TTC7A: variants seen among roughly 807,000 people sequenced by gnomAD.
TTC7A encodes the protein tetratricopeptide repeat domain 7A.
TTC7A carries 110 observed loss-of-function variants against 103.7 expected under a neutral mutation model. That is an observed-to-expected ratio of 1.06 (90% CI 0.91 to 1.24). The LOEUF (loss-of-function observed/expected upper bound fraction) is 1.24. Ranked by LOEUF, TTC7A falls within the 50% of genes most tolerant of loss-of-function variation. The pLI, the probability that TTC7A is intolerant of heterozygous loss-of-function variation, is 0.00. For synonymous variants in TTC7A, 521 were observed against 467.9 expected (o/e 1.11, Z -1.47); for missense variants, 1,340 against 1,116.3 (o/e 1.20, Z -2.86).
At chr2:46,924,439 A>C (rs958386129) in intron 2 of TTC7A, among the ~76,000 whole-genome samples, 1 of 152,116 alleles carries the variant, frequency 6.6e-6, no homozygotes, top group Non-Finnish European at 1.5e-5. Context: ...CATTTATGGA[A>C]TATAATCATA....
chr2:46,930,763 G>A (rs1208450036), intron 2 of TTC7A, among the ~76,000 whole-genome samples: 1 of 152,066 alleles, frequency 6.6e-6, no homozygotes, highest in Non-Finnish European at 1.5e-5. Context: ...GCCTCCCAAA[G>A]TGCAGGGATT....
At chr2:47,032,980 C>T (rs1680729360) in intron 15 of TTC7A, among the ~76,000 whole-genome samples, 1 of 151,476 alleles carries the variant, frequency 6.6e-6, no homozygotes, top group South Asian at 2.1e-4. Flanking sequence ...TGGTGAGTGA[C>T]CATAGGGTAT....
Position 47,013,488 on chromosome 2 carries a change from A to G in TTC7A, c.1392+2053A>G, listed in dbSNP as rs370140738. 6.0e-4 allele frequency among the ~76,000 whole-genome samples: 91 copies of G among 152,242 alleles called. 1 individual carries two copies. In the South Asian group the frequency reaches 0.018, roughly 30 times the overall value. ...GAGGGGCCTCAAGCTCATCTCTGAG[A>G]TGAAACCCAAAATACCCATCTCTGA... On this transcript the variant is annotated intron_variant, in intron 11 of 19. Transcript: ENST00000319190.
At chr2:46,949,080 A>G (rs776959479) in intron 1 of TTC7A, among the ~76,000 whole-genome samples, 32 of 152,122 alleles carry the variant, frequency 2.1e-4, no homozygotes, top group Admixed American at 1.2e-3. Context: ...CCACCCAAGA[A>G]CCATGGTGAA....
chr2:46,980,952 G>A (rs781518334), intron 5 of TTC7A, among the ~76,000 whole-genome samples: 6 of 152,190 alleles, frequency 3.9e-5, no homozygotes, highest in Non-Finnish European at 8.8e-5. Flanking sequence ...CTAGGTATGC[G>A]GAAGGCATGC....
At chr2:46,974,847 T>A in intron 3 of TTC7A, 126 bp from the exon 4 acceptor site, 26 of 1,318,444 alleles carry the variant, frequency 2.0e-5, no homozygotes, top group East Asian at 1.1e-4. Flanking sequence ...TCCGCAGACC[T>A]CCGCCTCCTC....
At chr2:47,001,424 G>A (rs1676791371) in intron 8 of TTC7A, among the ~76,000 whole-genome samples, 1 of 152,094 alleles carries the variant, frequency 6.6e-6, no homozygotes, top group Admixed American at 6.6e-5. Flanking sequence ...CAGCTCCCTG[G>A]GACCTTATGC....
At chr2:46,951,569 TTCTG>T (rs1381559009) in intron 2 of TTC7A, 2 of 455,256 alleles carry the variant, frequency 4.4e-6, no homozygotes, top group Non-Finnish European at 8.8e-6. Flanking sequence ...CTCTCTTTCT[TTCTG>T]TCTTTCTGTC....
At chr2:46,977,462 A>C (rs1411359323) in intron 4 of TTC7A, among the ~76,000 whole-genome samples, 3 of 152,116 alleles carry the variant, frequency 2.0e-5, no homozygotes, top group Non-Finnish European at 4.4e-5. Flanking sequence ...GGGCAGGAGG[A>C]CCCTGTTAGA....
At chr2:46,994,229 G>T in intron 6 of TTC7A, 128 bp from the exon 7 acceptor site, 1 of 1,133,944 alleles carries the variant, frequency 8.8e-7, no homozygotes. Context: ...TGGGGTTGGG[G>T]AGTTTACCCA....
chr2:47,006,968 C>T (rs142266059), intron 10 of TTC7A, among the ~76,000 whole-genome samples: 1,875 of 152,252 alleles, frequency 0.012, 14 homozygotes, highest in Non-Finnish European at 0.019. Flanking sequence ...TCTGAGCGTG[C>T]GTACATGCAT....
At chr2:47,018,418 G>A (rs10196023) in intron 11 of TTC7A, among the ~76,000 whole-genome samples, 82,679 of 151,196 alleles carry the variant, frequency 0.55, 22,849 homozygotes, top group East Asian at 0.76. Flanking sequence ...CCCTGTCTCT[G>A]CTAAAAATAT....
chr2:47,011,421 G>T lies in TTC7A; in HGVS notation c.1378G>T (p.Gly460Trp), dbSNP rs774636333. The change falls in exon 11 of 20, where the codon GGG (glycine) becomes TGG (tryptophan). Residue 460 changes from glycine (G) to tryptophan (W), a missense_variant. By Grantham distance (184) the Gly-to-Trp change is radical. Coordinates refer to ENST00000319190, the MANE Select transcript of TTC7A (RefSeq NM_020458.4). Reference protein sequence around the residue: ...VPLMAAKVCIGSLRWLEEAEH... With the variant: ...VPLMAAKVCIWSLRWLEEAEH... ...CCTGATGGCCGCGAAGGTCTGCATC[G>T]GGTCCCTTCGCTGGGTGAGTGAGCT... 6.2e-7 allele frequency: 1 copy of T among 1,607,104 alleles called. No individual in the cohort carries two copies. The highest frequency in any genetic ancestry group is 8.5e-7 in the Non-Finnish European group (1 of 1,179,618).
chr2:47,059,551 T>C (rs6749079), intron 18 of TTC7A, among the ~76,000 whole-genome samples: 6,357 of 152,152 alleles, frequency 0.042, 462 homozygotes, highest in African/African-American at 0.14. Flanking sequence ...CATTTGGTTC[T>C]CCCTGGCTCT....
chr2:47,059,124 G>C (rs2692216), intron 18 of TTC7A, among the ~76,000 whole-genome samples: 120,632 of 149,708 alleles, frequency 0.81, 48,644 homozygotes, highest in East Asian at 0.94. Flanking sequence ...CAGATTCAAT[G>C]AACTCTCTGC....
At chr2:47,068,309 T>A (rs1193321470) in intron 19 of TTC7A, 1 of 152,164 alleles carries the variant, frequency 6.6e-6, no homozygotes, top group African/African-American at 2.4e-5. Flanking sequence ...GCCAGTGGCC[T>A]CTGCTGCTTA....
Position 46,985,552 on chromosome 2 carries a change from C to A in TTC7A, c.764+6645C>A, listed in dbSNP as rs142570652. 2.4e-3 allele frequency among the ~76,000 whole-genome samples: 368 copies of A among 152,320 alleles called. 1 individual carries two copies. The highest frequency in any genetic ancestry group is 4.5e-3 in the Non-Finnish European group (304 of 68,034). The stretch of plus-strand genomic sequence containing the variant: ...CTTCATGCCAGGTAGAATGCAAATG[C>A]CTTTCTGTATAATCCTGTGATGCAG... On this transcript the variant is annotated intron_variant, in intron 5 of 19. Coordinates refer to ENST00000319190, the MANE Select transcript of TTC7A (RefSeq NM_020458.4).
intron 2 of TTC7A, among the ~76,000 whole-genome samples, chr2:46,954,264 G>A (rs768373369): frequency 6.6e-5 from 10 of 151,974 alleles, no homozygotes; most frequent in Non-Finnish European, 1.5e-4. Context: ...AAAGGAGTAG[G>A]TGATGCGCTG....
At chr2:46,990,707 C>T (rs978622127) in intron 5 of TTC7A, among the ~76,000 whole-genome samples, 1 of 152,196 alleles carries the variant, frequency 6.6e-6, no homozygotes, top group African/African-American at 2.4e-5. Context: ...GGCTGCCTCA[C>T]TTTCCCAAGA....
Sources: gnomAD v4.1 joint callset for allele counts (sites outside exome capture counted in the v4.1 genomes callset) on GRCh38, gnomAD v4.1.1 for gene constraint, MANE v1.5 for transcripts, NCBI Gene and HGNC (gene_info 2026-07-23, HGNC 2026-07-21) for gene names.